NKAIN2: variants seen among roughly 807,000 people sequenced by gnomAD.
The protein encoded by NKAIN2 is sodium/potassium-transporting ATPase subunit beta-1-interacting protein 2.
Under a neutral mutation model 32.6 loss-of-function variants are expected in NKAIN2, and 14 were observed. The ratio of observed to expected loss-of-function variants is 0.43; its 90% CI spans 0.28 to 0.67. The LOEUF is 0.67. Ranked by LOEUF, NKAIN2 falls within the 30% of genes least tolerant of loss-of-function variation. The pLI, the probability that NKAIN2 is intolerant of heterozygous loss-of-function variation, is 0.17. For synonymous variants in NKAIN2, 80 were observed against 87.2 expected, an observed-to-expected ratio of 0.92 and a Z score of 0.46; for missense variants, 198 against 258.3, an observed-to-expected ratio of 0.77 and a Z score of 1.60.
At chr6:124,595,176 G>T (rs959706284) in intron 3 of NKAIN2, among the ~76,000 whole-genome samples, 3 of 152,208 alleles carry the variant, frequency 2.0e-5, no homozygotes, top group African/African-American at 7.2e-5. Context: ...TCACAAGGCT[G>T]GTTGTTACTC....
chr6:124,500,365 A>G (rs969183234), intron 3 of NKAIN2, among the ~76,000 whole-genome samples: 1 of 151,972 alleles, frequency 6.6e-6, no homozygotes, highest in African/African-American at 2.4e-5. Flanking sequence ...ATGGGAAGAT[A>G]TGGCCAGGTG....
chr6:124,761,008 A>C (rs938374991), intron 4 of NKAIN2, among the ~76,000 whole-genome samples: 1 of 152,168 alleles, frequency 6.6e-6, no homozygotes, highest in Non-Finnish European at 1.5e-5. Context: ...ATTGACAATC[A>C]ATGCAGTGCC....
At chr6:124,235,777 T>G (rs1339833657) in intron 1 of NKAIN2, among the ~76,000 whole-genome samples, 1 of 151,888 alleles carries the variant, frequency 6.6e-6, no homozygotes, top group African/African-American at 2.4e-5. Context: ...TTTTGTATTT[T>G]TAGTAGAGAC....
At chr6:124,501,354 G>C (rs186826727) in intron 3 of NKAIN2, among the ~76,000 whole-genome samples, 188 of 152,272 alleles carry the variant, frequency 1.2e-3, no homozygotes, top group African/African-American at 4.3e-3. Context: ...CTTAAATAAA[G>C]TGCATGAAGC....
intron 4 of NKAIN2, among the ~76,000 whole-genome samples, chr6:124,751,386 A>G (rs1291911288): frequency 2.0e-5 from 3 of 152,020 alleles, no homozygotes; most frequent in African/African-American, 7.2e-5. Context: ...AAGGGGTGTT[A>G]GGAGCCTAGA....
rs1345152507 is a variant in NKAIN2, at chr6:124,394,461, A to AGATG, written c.273+39117_273+39118insGGAT. On this transcript the variant is annotated intron_variant, in intron 3 of 6. Coordinates refer to ENST00000368417, the MANE Select transcript of NKAIN2 (RefSeq NM_001040214.3). ...CAGAAAAACAGAATCAATATGAGAT[A>AGATG]GATAGATAGATAGATAGATAGATAG... Among the ~76,000 whole-genome samples the AGATG allele has an allele frequency of 3.8e-5, 4 of 104,786 alleles. No individual in the cohort carries two copies. The East Asian group carries it at 9.7e-4, about 25-fold the overall frequency. 68.7% of individuals were successfully genotyped at this position (104,786 alleles called of 152,430 possible).
At chr6:124,407,883 C>T (rs1005187210) in intron 3 of NKAIN2, among the ~76,000 whole-genome samples, 1 of 148,460 alleles carries the variant, frequency 6.7e-6, no homozygotes, top group African/African-American at 2.5e-5. Flanking sequence ...TTAATGATTG[C>T]CATTCTAACT....
intron 4 of NKAIN2, among the ~76,000 whole-genome samples, chr6:124,768,896 T>A (rs748337029): frequency 1.3e-5 from 2 of 152,202 alleles, no homozygotes; most frequent in African/African-American, 2.4e-5. Flanking sequence ...ACCCATTTTA[T>A]AGTGTCACAT....
intron 1 of NKAIN2, among the ~76,000 whole-genome samples, chr6:124,270,919 C>G (rs1356218766): frequency 3.9e-5 from 6 of 152,180 alleles, no homozygotes; most frequent in Non-Finnish European, 1.5e-5. Context: ...GCCCTAAAAT[C>G]CATTTGGCTT....
At chr6:124,456,838 CCTCT>C (rs1351096463) in intron 3 of NKAIN2, among the ~76,000 whole-genome samples, 1 of 151,030 alleles carries the variant, frequency 6.6e-6, no homozygotes, top group African/African-American at 2.4e-5. Flanking sequence ...TAAGAAATGC[CCTCT>C]CTACTTAAAT....
chr6:124,464,078 G>A (rs1482122584), intron 3 of NKAIN2, among the ~76,000 whole-genome samples: 1 of 151,992 alleles, frequency 6.6e-6, no homozygotes, highest in African/African-American at 2.4e-5. Context: ...CATCTCCCGG[G>A]TTCAAATGAT....
intron 4 of NKAIN2, among the ~76,000 whole-genome samples, chr6:124,745,173 A>G (rs536520609): frequency 6.6e-6 from 1 of 152,048 alleles, no homozygotes; most frequent in South Asian, 2.1e-4. Context: ...TTCCCAAAGG[A>G]AGGAATTTAA....
intron 1 of NKAIN2, among the ~76,000 whole-genome samples, chr6:123,969,641 A>G (rs1430865916): frequency 6.6e-6 from 1 of 152,204 alleles, no homozygotes; most frequent in Non-Finnish European, 1.5e-5. Flanking sequence ...AGTTGCACAG[A>G]GACCTTTAAC....
chr6:124,754,198 A>G (rs1473721886), intron 4 of NKAIN2, among the ~76,000 whole-genome samples: 1 of 152,092 alleles, frequency 6.6e-6, no homozygotes, highest in East Asian at 1.9e-4. Context: ...GTCATTTGCA[A>G]TGACTTCAGC....
chr6:123,955,928 A>G (rs1177671143), intron 1 of NKAIN2, among the ~76,000 whole-genome samples: 2 of 152,186 alleles, frequency 1.3e-5, no homozygotes, highest in Non-Finnish European at 2.9e-5. Context: ...ATGCCGAGCT[A>G]CATTTAAACA....
At chr6:124,398,338 T>C (rs940814633) in intron 3 of NKAIN2, among the ~76,000 whole-genome samples, 1 of 149,388 alleles carries the variant, frequency 6.7e-6, no homozygotes, top group Non-Finnish European at 1.5e-5. Context: ...AAAATACCAC[T>C]TCACAGGTAG....
chr6:123,967,605 G>A lies in NKAIN2; in HGVS notation c.54+163351G>A, dbSNP rs1778144230. Among the ~76,000 whole-genome samples the A allele has an allele frequency of 2.0e-5, 3 of 152,064 alleles. No homozygotes were observed. The South Asian group carries it at 6.2e-4, about 31-fold the overall frequency. ...TCCCTGTGGTTTTCCACCCCCAACTGAAGGTTGGTGTAGAGCACAGAAGTC... is the reference window on the plus strand; with the variant it reads ...TCCCTGTGGTTTTCCACCCCCAACTAAAGGTTGGTGTAGAGCACAGAAGTC... On this transcript the variant is annotated intron_variant, in intron 1 of 6. Transcript: ENST00000368417.
chr6:123,993,279 A>G (rs941766407), intron 1 of NKAIN2, among the ~76,000 whole-genome samples: 7 of 152,186 alleles, frequency 4.6e-5, no homozygotes, highest in African/African-American at 1.7e-4. Flanking sequence ...GTAAGTGGTA[A>G]TATAGCTGGA....
At position 123,924,828 on chromosome 6, in the gene NKAIN2, T is replaced by C. The variant is rs1040095240; in HGVS notation, c.54+120574T>C. On this transcript the variant is annotated intron_variant, in intron 1 of 6. Coordinates refer to ENST00000368417, the MANE Select transcript of NKAIN2 (RefSeq NM_001040214.3). ...CACAAAATGGAGGAAATAGTTTTGC[T>C]TTCCCTTCAGATGTCAAGAATGAAA... Among the ~76,000 whole-genome samples, 11 of 152,258 alleles carry C rather than the reference T, an allele frequency of 7.2e-5. No individual in the cohort carries two copies. The East Asian group carries it at 1.2e-3, about 16-fold the overall frequency.
Sources: allele counts gnomAD v4.1 joint callset (sites outside exome capture counted in the v4.1 genomes callset), GRCh38; gene constraint gnomAD v4.1.1; transcripts MANE v1.5; gene names NCBI Gene and HGNC (gene_info 2026-07-23, HGNC 2026-07-21).